The following MTAP variants were observed in gnomAD, a reference collection of about 807,000 sequenced individuals.
The protein encoded by MTAP is methylthioadenosine phosphorylase.
In MTAP, 33 loss-of-function variants were observed where a neutral mutation model predicts 33.6. That is an observed-to-expected ratio of 0.98 (90% CI 0.74 to 1.31). The LOEUF (loss-of-function observed/expected upper bound fraction) is 1.31, where lower values mean the gene tolerates loss of function less well. Ranked by LOEUF, MTAP falls within the 40% of genes most tolerant of loss-of-function variation. The pLI is 0.00. For missense variants in MTAP, 367 were observed against 360.0 expected (o/e 1.02, Z -0.16); for synonymous variants, 148 against 125.7 (o/e 1.18, Z -1.19).
chr9:21,868,948 G>T (rs933522585), downstream of MTAP, among the ~76,000 whole-genome samples: 2 of 152,214 alleles, frequency 1.3e-5, no homozygotes, highest in South Asian at 2.1e-4. Flanking sequence ...AGATGATGCT[G>T]GTCCCACTTT....
chr9:21,925,250 C>A (rs568526249), intron 1 of MTAP, among the ~76,000 whole-genome samples: 2 of 152,162 alleles, frequency 1.3e-5, no homozygotes, highest in African/African-American at 4.8e-5. Flanking sequence ...AGAGAGGCTA[C>A]AAGAGGCCCT....
intron 5 of MTAP, among the ~76,000 whole-genome samples, chr9:21,838,340 T>C (rs901846287): frequency 6.6e-6 from 1 of 152,240 alleles, no homozygotes; most frequent in Non-Finnish European, 1.5e-5. Context: ...ATCAAATCTC[T>C]GCTCTTCAAC....
Position 21,824,601 on chromosome 9 carries a change from TG to T in MTAP, c.347+6402del, listed in dbSNP as rs1349459127. Among the ~76,000 whole-genome samples, 4 of 152,192 alleles carry T rather than the reference TG, an allele frequency of 2.6e-5. No homozygotes were observed. The East Asian group carries it at 7.7e-4, about 29-fold the overall frequency. On this transcript the variant is annotated intron_variant, in intron 4 of 7. Coordinates refer to ENST00000644715, the MANE Select transcript of MTAP (RefSeq NM_002451.4). ...CATTCTCAGATCTCAAACTCTGTGC[TG>T]GGAGAACCACTACTCTCTTCAAAGC...
intron 1 of MTAP, among the ~76,000 whole-genome samples, chr9:21,903,777 G>A (rs113576040): frequency 9.7e-4 from 148 of 152,100 alleles, no homozygotes; most frequent in Non-Finnish European, 1.8e-3. Context: ...GGCAGGTTGC[G>A]GAGCTCCGAC....
rs568274193 is a variant in MTAP, at chr9:21,889,008, T to A, written c.147+34138T>A. ...CTTTAGCCTCCTTAAGCAAAATAAG[T>A]TGTTTGAATGTCTAGATCTCTAGCA... On this transcript the variant is annotated intron_variant, in intron 1 of 1. Transcript: ENST00000577563. Among the ~76,000 whole-genome samples, 177 of 152,216 alleles carry A rather than the reference T, an allele frequency of 1.2e-3. 1 individual carries two copies. Among genetic ancestry groups the A allele is most frequent in the South Asian group, 5.4e-3 (26 of 4,828 alleles).
intron 1 of MTAP, among the ~76,000 whole-genome samples, chr9:21,914,120 G>T (rs1818633308): frequency 6.6e-6 from 1 of 152,178 alleles, no homozygotes; most frequent in Non-Finnish European, 1.5e-5. Context: ...TCATTAAAAA[G>T]TCAGGAAACA....
chr9:21,854,981 G>T, intron 6 of MTAP, 111 bp downstream of exon 6: 1 of 1,402,114 alleles, frequency 7.1e-7, no homozygotes, highest in Non-Finnish European at 9.6e-7. Context: ...TTTCTACAAG[G>T]TTTTGAAGTT....
downstream of MTAP, chr9:21,935,645 C>T (rs1222649017): frequency 3.9e-5 from 6 of 152,124 alleles, no homozygotes; most frequent in East Asian, 7.7e-4. Context: ...TTCTGAGCTA[C>T]GTTTCTTTCT....
chr9:21,841,570 G>C (rs1457647281), intron 5 of MTAP, among the ~76,000 whole-genome samples: 1 of 152,142 alleles, frequency 6.6e-6, no homozygotes, highest in Non-Finnish European at 1.5e-5. Context: ...AGTAGCCACA[G>C]CTTGGAGACC....
chr9:21,820,746 C>G (rs1282121353), intron 4 of MTAP, among the ~76,000 whole-genome samples: 1 of 152,190 alleles, frequency 6.6e-6, no homozygotes, highest in African/African-American at 2.4e-5. Context: ...ATTGATTCTA[C>G]CTATCCATGA....
At chr9:21,939,583 G>A (rs1297374477), downstream of MTAP, among the ~76,000 whole-genome samples, 3 of 152,072 alleles carry the variant, frequency 2.0e-5, no homozygotes, top group Non-Finnish European at 4.4e-5. Context: ...GTTCTTCTGG[G>A]CTGGGCGCAG....
At chr9:21,872,689 A>G (rs1209573036) in intron 1 of MTAP, among the ~76,000 whole-genome samples, 5 of 152,232 alleles carry the variant, frequency 3.3e-5, no homozygotes, top group Admixed American at 6.5e-5. Context: ...TGAAAATGCT[A>G]TACTACACAG....
At chr9:21,820,542 A>G (rs1824607499) in intron 4 of MTAP, among the ~76,000 whole-genome samples, 1 of 152,192 alleles carries the variant, frequency 6.6e-6, no homozygotes, top group Admixed American at 6.5e-5. Context: ...TGGTGACTGT[A>G]GCCTTGTAGT....
rs576303396 is a variant in MTAP, at chr9:21,859,562, A to G, written c.813+137A>G. ...TCAACAAGTTTTTGTGACATCTACTACTACCATACCAACCACTTGTGAAAC... is the reference window on the plus strand; with the variant it reads ...TCAACAAGTTTTTGTGACATCTACTGCTACCATACCAACCACTTGTGAAAC... On this transcript the variant is annotated intron_variant, in intron 7 of 7. Coordinates refer to ENST00000644715, the MANE Select transcript of MTAP (RefSeq NM_002451.4). The G allele has an allele frequency of 1.9e-5, 18 of 934,654 alleles. No homozygotes were observed. The African/African-American group carries it at 2.7e-4, about 14-fold the overall frequency. 57.9% of individuals were successfully genotyped at this position (934,654 alleles called of 1,614,324 possible).
At position 21,922,861 on chromosome 9, in the gene MTAP, C is replaced by G. The variant is rs1298994321; in HGVS notation, c.148-8147C>G. On this transcript the variant is annotated intron_variant, in intron 1 of 1. Transcript: ENST00000577563. The surrounding 1 kb of genome is among the most constrained non-coding windows in gnomAD (Gnocchi z 4.8). ...ATGTAGACCTGAAATACTAATGGCC[C>G]TCCTAGACAGGAGGCTCATGAGAGT... is the stretch of plus-strand genomic sequence containing the variant. Among the ~76,000 whole-genome samples the G allele has an allele frequency of 6.6e-6, 1 of 152,178 alleles. No homozygotes were observed. The highest frequency in any genetic ancestry group is 1.9e-4 in the East Asian group (1 of 5,202).
intron 4 of MTAP, among the ~76,000 whole-genome samples, chr9:21,825,533 G>C (rs1167651303): frequency 6.6e-6 from 1 of 152,074 alleles, no homozygotes; most frequent in African/African-American, 2.4e-5. Flanking sequence ...ACTTTGTTTT[G>C]TCATTTTGAT....
chr9:21,928,355 G>C (rs1818900838), intron 1 of MTAP, among the ~76,000 whole-genome samples: 1 of 152,128 alleles, frequency 6.6e-6, no homozygotes, highest in African/African-American at 2.4e-5. Context: ...CCCTAGATGG[G>C]GAAGCCCCCT....
chr9:21,862,130 C>G lies in MTAP; in HGVS notation c.*116C>G, dbSNP rs1825767140. ...ATGCAGCTTTCATGCCCTTGCCTAT[C>G]AAAGAGTATGTTGTAAGAAAGACAA... On this transcript the variant is annotated 3_prime_UTR_variant, in exon 8 of 8. Transcript: ENST00000644715. The G allele has an allele frequency of 6.3e-7, 1 of 1,575,494 alleles. No homozygotes were observed. Among genetic ancestry groups the G allele is most frequent in the Non-Finnish European group, 8.6e-7 (1 of 1,162,892 alleles).
chr9:21,916,102 A>T (rs1473200451), intron 1 of MTAP, among the ~76,000 whole-genome samples: 7 of 149,422 alleles, frequency 4.7e-5, no homozygotes, highest in Non-Finnish European at 8.9e-5. Context: ...GAAGGAAGGA[A>T]GGAAGGAAGG....
Sources: allele counts gnomAD v4.1 joint callset (sites outside exome capture counted in the v4.1 genomes callset), GRCh38; gene constraint gnomAD v4.1.1; non-coding constraint Gnocchi (gnomAD v3.1); transcripts MANE v1.5; gene names NCBI Gene and HGNC (gene_info 2026-07-23, HGNC 2026-07-21).